Variants in KCNIP4 observed in about 807,000 individuals in gnomAD.
KCNIP4 encodes potassium voltage-gated channel interacting protein 4, also known as Kv channel-interacting protein 4.
Under a neutral mutation model 34.0 loss-of-function variants are expected in KCNIP4, and 12 were observed. The ratio of observed to expected loss-of-function variants is 0.35; its 90% confidence interval spans 0.23 to 0.57. The LOEUF is 0.57. KCNIP4 is among the 20% of genes least tolerant of loss of function. KCNIP4 has a pLI of 0.83. For missense variants in KCNIP4, 238 were observed against 311.7 expected, an observed-to-expected ratio of 0.76 and a Z score of 1.78; for synonymous variants, 124 against 102.2, an observed-to-expected ratio of 1.21 and a Z score of -1.29.
chr4:21,085,336 C>A (rs1746328282), intron 1 of KCNIP4, among the ~76,000 whole-genome samples: 1 of 152,186 alleles, frequency 6.6e-6, no homozygotes. Flanking sequence ...CACTTCCAGG[C>A]ACCAAACCTG....
intron 1 of KCNIP4, among the ~76,000 whole-genome samples, chr4:21,917,444 T>C (rs1728697262): frequency 1.3e-5 from 2 of 152,170 alleles, no homozygotes; most frequent in East Asian, 1.9e-4. Flanking sequence ...AGAGTACAGG[T>C]ATTTTTATGC....
intron 1 of KCNIP4, among the ~76,000 whole-genome samples, chr4:21,428,256 T>C (rs1174491593): frequency 6.6e-6 from 1 of 152,210 alleles, no homozygotes; most frequent in Non-Finnish European, 1.5e-5. Context: ...CATCGTATAG[T>C]CGTTTTTAAA....
At chr4:21,486,346 C>T (rs528037546) in intron 1 of KCNIP4, among the ~76,000 whole-genome samples, 1 of 152,116 alleles carries the variant, frequency 6.6e-6, no homozygotes, top group East Asian at 1.9e-4. Flanking sequence ...TTTAGTAATT[C>T]CACAACTCAA....
At position 21,031,328 on chromosome 4, in the gene KCNIP4, G is replaced by T. The variant is rs143436368; in HGVS notation, c.62-148619C>A. Among the ~76,000 whole-genome samples, 17 of 152,316 alleles carry T rather than the reference G, an allele frequency of 1.1e-4. No individual in the cohort carries two copies. In the East Asian group the frequency reaches 3.3e-3, roughly 29 times the overall value. On this transcript the variant is annotated intron_variant, in intron 1 of 8. Coordinates refer to ENST00000382152, the MANE Select transcript of KCNIP4 (RefSeq NM_025221.6). Reference sequence around the variant, plus strand: ...CCAGACATCTTTCATTTATGAAATAGTAGCTTCTATTTTTGTACCCATTTT... The same window carrying T: ...CCAGACATCTTTCATTTATGAAATATTAGCTTCTATTTTTGTACCCATTTT...
At chr4:21,830,445 C>T (rs187694255) in intron 1 of KCNIP4, among the ~76,000 whole-genome samples, 7 of 152,034 alleles carry the variant, frequency 4.6e-5, no homozygotes, top group East Asian at 2.0e-4. Flanking sequence ...GAGGCCGAGG[C>T]GGGCTGGATC....
rs550676265 is a variant in KCNIP4, at chr4:21,440,845, A to C, written c.61+507726T>G. 1.1e-4 allele frequency among the ~76,000 whole-genome samples: 16 copies of C among 152,344 alleles called. No individual in the cohort carries two copies. The South Asian group carries it at 2.5e-3, about 24-fold the overall frequency. ...ATTGCATGACCTCCTTTAACAAAGC[A>C]AAACAAATCAAAACAAACCAGCCTA... On this transcript the variant is annotated intron_variant, in intron 1 of 8. Coordinates refer to ENST00000382152, the MANE Select transcript of KCNIP4 (RefSeq NM_025221.6).
intron 1 of KCNIP4, among the ~76,000 whole-genome samples, chr4:21,353,098 T>C (rs1391500924): frequency 2.6e-5 from 4 of 152,096 alleles, no homozygotes; most frequent in East Asian, 1.9e-4. Context: ...AGGAATAGCA[T>C]CAACATCAAC....
intron 1 of KCNIP4, among the ~76,000 whole-genome samples, chr4:21,125,107 G>A (rs1836090): frequency 0.68 from 100,203 of 147,558 alleles, 34,611 homozygotes; most frequent in African/African-American, 0.78. Context: ...AGAAGCCAGC[G>A]TGACTAGATG....
chr4:21,733,146 A>T (rs1715730804), intron 1 of KCNIP4, among the ~76,000 whole-genome samples: 1 of 152,060 alleles, frequency 6.6e-6, no homozygotes, highest in Non-Finnish European at 1.5e-5. Context: ...TGTGTTTTAT[A>T]CTTCTCTTCA....
intron 1 of KCNIP4, among the ~76,000 whole-genome samples, chr4:21,377,971 G>T (rs1721122264): frequency 6.6e-6 from 1 of 152,168 alleles, no homozygotes; most frequent in Non-Finnish European, 1.5e-5. Context: ...GGTGGTGGTG[G>T]CGGGTACTTG....
intron 1 of KCNIP4, among the ~76,000 whole-genome samples, chr4:21,933,749 C>T (rs1057322921): frequency 6.6e-6 from 1 of 152,050 alleles, no homozygotes; most frequent in Admixed American, 6.6e-5. Context: ...TGCCTCTGAG[C>T]TGCCTAAGTA....
At chr4:20,953,339 G>C (rs6448004) in intron 1 of KCNIP4, among the ~76,000 whole-genome samples, 119,603 of 152,052 alleles carry the variant, frequency 0.79, 47,204 homozygotes, top group East Asian at 0.84. Flanking sequence ...AAAGCAACTT[G>C]AGACTTCTAT....
intron 1 of KCNIP4, among the ~76,000 whole-genome samples, chr4:21,099,269 C>T (rs1734977038): frequency 6.6e-6 from 1 of 151,988 alleles, no homozygotes; most frequent in Admixed American, 6.6e-5. Flanking sequence ...ACATATAAAC[C>T]ATGGAATACT....
chr4:21,166,885 G>T (rs919329042), intron 1 of KCNIP4, among the ~76,000 whole-genome samples: 1 of 132,184 alleles, frequency 7.6e-6, no homozygotes, highest in East Asian at 2.3e-4. Flanking sequence ...GTTGCAGTGA[G>T]CTGAGATCAC....
intron 1 of KCNIP4, among the ~76,000 whole-genome samples, chr4:21,063,085 T>C (rs1744065362): frequency 6.6e-6 from 1 of 152,082 alleles, no homozygotes; most frequent in South Asian, 2.1e-4. Flanking sequence ...ATAGGGAAGA[T>C]GGGACAATGT....
chr4:21,467,110 ACACACAC>A (rs1730044534), intron 1 of KCNIP4, among the ~76,000 whole-genome samples: 2 of 148,956 alleles, frequency 1.3e-5, no homozygotes, highest in African/African-American at 4.9e-5. Context: ...ACACACACAC[ACACACAC>A]AAAACAGAAC....
intron 1 of KCNIP4, among the ~76,000 whole-genome samples, chr4:21,229,859 C>CA (rs1169107640): frequency 2.0e-5 from 3 of 152,132 alleles, no homozygotes; most frequent in Non-Finnish European, 4.4e-5. Context: ...CGCATACTTA[C>CA]AGGCAGCTGT....
intron 1 of KCNIP4, among the ~76,000 whole-genome samples, chr4:21,887,654 T>A (rs1726857839): frequency 6.6e-6 from 1 of 152,172 alleles, no homozygotes; most frequent in South Asian, 2.1e-4. Context: ...GTCATTGTCA[T>A]GCTTAAGGAA....
At chr4:21,779,398 T>C (rs1719428054) in intron 1 of KCNIP4, among the ~76,000 whole-genome samples, 1 of 152,080 alleles carries the variant, frequency 6.6e-6, no homozygotes, top group Non-Finnish European at 1.5e-5. Flanking sequence ...TTAATAATAA[T>C]ATATATTTGA....
Sources: gnomAD v4.1 joint callset for allele counts (sites outside exome capture counted in the v4.1 genomes callset) on GRCh38, gnomAD v4.1.1 for gene constraint, MANE v1.5 for transcripts, NCBI Gene and HGNC (gene_info 2026-07-23, HGNC 2026-07-21) for gene names.